ACBD6: variants seen among roughly 807,000 people sequenced by gnomAD.
ACBD6 encodes the protein acyl-CoA-binding domain-containing protein 6.
A neutral mutation model predicts 37.2 loss-of-function variants in ACBD6; 28 were observed. That is an observed-to-expected ratio of 0.75 (90% CI 0.56 to 1.03). The LOEUF is 1.03. Ranked by LOEUF, ACBD6 falls within the 50% of genes least tolerant of loss-of-function variation. ACBD6 has a pLI of 0.00. For synonymous variants in ACBD6, 113 were observed against 126.8 expected, an observed-to-expected ratio of 0.89 and a Z score of 0.73; for missense variants, 340 against 337.4, an observed-to-expected ratio of 1.01 and a Z score of -0.06.
intron 6 of ACBD6, among the ~76,000 whole-genome samples, chr1:180,347,880 G>A (rs571937130): frequency 2.2e-4 from 33 of 152,180 alleles, no homozygotes; most frequent in Non-Finnish European, 4.6e-4. Context: ...CAGGAGAATG[G>A]CGTGAACCTG....
intron 11 of ACBD6, chr1:180,273,883 C>T (rs1474224083): frequency 7.0e-6 from 3 of 425,664 alleles, no homozygotes; most frequent in East Asian, 9.6e-5. Flanking sequence ...CATTCATCCT[C>T]CTCAGTGTAG....
At chr1:180,361,672 G>A (rs1652860054) in intron 6 of ACBD6, among the ~76,000 whole-genome samples, 1 of 152,108 alleles carries the variant, frequency 6.6e-6, no homozygotes, top group South Asian at 2.1e-4. Flanking sequence ...AACAGATACT[G>A]TATTCCCAAG....
intron 5 of ACBD6, among the ~76,000 whole-genome samples, chr1:180,408,378 A>C (rs934116680): frequency 4.6e-5 from 7 of 152,204 alleles, no homozygotes; most frequent in African/African-American, 1.7e-4. Flanking sequence ...AGGGACATGG[A>C]TGAAATTGGA....
chr1:180,381,428 G>A (rs1251428834), intron 6 of ACBD6, among the ~76,000 whole-genome samples: 1 of 152,160 alleles, frequency 6.6e-6, no homozygotes, highest in Non-Finnish European at 1.5e-5. Context: ...CTTCTCATCA[G>A]CATGCAGAAA....
intron 7 of ACBD6, among the ~76,000 whole-genome samples, chr1:180,307,749 G>A (rs1451121412): frequency 6.6e-6 from 1 of 152,202 alleles, no homozygotes; most frequent in Non-Finnish European, 1.5e-5. Flanking sequence ...GAGGCCAGGA[G>A]TTTGAGACCA....
chr1:180,482,689 T>A (rs999566207), intron 3 of ACBD6, among the ~76,000 whole-genome samples: 1 of 152,030 alleles, frequency 6.6e-6, no homozygotes, highest in African/African-American at 2.4e-5. Flanking sequence ...AAAAGAGAAG[T>A]GGAATTGCAG....
intron 6 of ACBD6, among the ~76,000 whole-genome samples, chr1:180,369,282 A>T (rs1653167084): frequency 6.6e-6 from 1 of 151,964 alleles, no homozygotes; most frequent in Non-Finnish European, 1.5e-5. Flanking sequence ...AATGCAACAC[A>T]CTCCCTCACC....
At chr1:180,303,793 GAC>G (rs1346324844) in intron 7 of ACBD6, among the ~76,000 whole-genome samples, 2 of 150,412 alleles carry the variant, frequency 1.3e-5, no homozygotes, top group East Asian at 3.9e-4. Flanking sequence ...GCCTGGCAGA[GAC>G]ACAACAAAAA....
intron 6 of ACBD6, among the ~76,000 whole-genome samples, chr1:180,389,347 C>T (rs529206646): frequency 9.9e-5 from 15 of 152,282 alleles, no homozygotes; most frequent in African/African-American, 3.4e-4. Context: ...TTTTTTATGG[C>T]TGCATAGTAT....
chr1:180,321,550 G>T (rs1202234167), intron 6 of ACBD6, among the ~76,000 whole-genome samples: 2 of 152,064 alleles, frequency 1.3e-5, no homozygotes. Flanking sequence ...TACTGTAAAT[G>T]GAATTACTTT....
chr1:180,410,628 A>C (rs1378085431), intron 5 of ACBD6, among the ~76,000 whole-genome samples: 1 of 152,174 alleles, frequency 6.6e-6, no homozygotes, highest in Non-Finnish European at 1.5e-5. Context: ...GGTTTACTGA[A>C]TATTTTAAGC....
chr1:180,432,479 T>C (rs1024981880), intron 3 of ACBD6, among the ~76,000 whole-genome samples: 3 of 151,932 alleles, frequency 2.0e-5, no homozygotes, highest in East Asian at 3.9e-4. Flanking sequence ...GATACAGAGA[T>C]AGCAAATAAG....
intron 6 of ACBD6, among the ~76,000 whole-genome samples, chr1:180,375,463 C>T (rs925510809): frequency 5.9e-5 from 9 of 151,996 alleles, no homozygotes; most frequent in African/African-American, 1.9e-4. Flanking sequence ...GTAGCTGGGA[C>T]GAGAGGTGCA....
intron 6 of ACBD6, among the ~76,000 whole-genome samples, chr1:180,396,673 A>G (rs74655149): frequency 0.02 from 2,981 of 152,314 alleles, 101 homozygotes; most frequent in African/African-American, 0.067. Context: ...CAAATAGTCA[A>G]CAAGCGTATG....
chr1:180,400,183 A>C (rs532366459), intron 5 of ACBD6, among the ~76,000 whole-genome samples: 19 of 152,234 alleles, frequency 1.2e-4, no homozygotes, highest in African/African-American at 4.1e-4. Context: ...CATATTTTAA[A>C]TTTTCCATGT....
At chr1:180,424,017 A>G (rs1648482458) in intron 4 of ACBD6, among the ~76,000 whole-genome samples, 1 of 152,198 alleles carries the variant, frequency 6.6e-6, no homozygotes, top group Non-Finnish European at 1.5e-5. Context: ...AAAACATTAA[A>G]TGGAAAAGAA....
Position 180,352,135 on chromosome 1 carries a change from C to A in ACBD6, c.664-37413G>T, listed in dbSNP as rs146052208. On this transcript the variant is annotated intron_variant, in intron 6 of 7. Transcript: ENST00000367595. ...AAGTAGAATTATGGTGGCCAGGAGG[C>A]GGGGTGGGGATAACGGGCATTTATT... 7.1e-3 allele frequency among the ~76,000 whole-genome samples: 1,075 copies of A among 151,948 alleles called. 9 individuals are homozygous for A. Among genetic ancestry groups the A allele is most frequent in the African/African-American group, 0.024 (1,004 of 41,406 alleles).
intron 6 of ACBD6, among the ~76,000 whole-genome samples, chr1:180,346,862 A>G (rs1293584110): frequency 6.6e-6 from 1 of 152,096 alleles, no homozygotes; most frequent in Non-Finnish European, 1.5e-5. Context: ...CAAAAAATAC[A>G]AAAATTAGCC....
At chr1:180,400,762 T>C (rs1043409203) in intron 5 of ACBD6, among the ~76,000 whole-genome samples, 1 of 152,188 alleles carries the variant, frequency 6.6e-6, no homozygotes. Flanking sequence ...TTAATCATGA[T>C]AAAATCAGGA....
Sources: gnomAD v4.1 joint callset for allele counts (sites outside exome capture counted in the v4.1 genomes callset) on GRCh38, gnomAD v4.1.1 for gene constraint, MANE v1.5 for transcripts, NCBI Gene and HGNC (gene_info 2026-07-23, HGNC 2026-07-21) for gene names.